Variants in RTN1 observed in about 807,000 individuals in gnomAD.
RTN1 encodes the protein reticulon-1.
A neutral mutation model predicts 65.5 loss-of-function variants in RTN1; 25 were observed. That is an observed-to-expected ratio of 0.38 (90% CI 0.28 to 0.53). The LOEUF (loss-of-function observed/expected upper bound fraction) is 0.53, where lower values mean the gene tolerates loss of function less well. RTN1 is among the 20% of genes least tolerant of loss of function. The pLI is 0.79. For missense variants in RTN1, 983 were observed against 1,025.4 expected, an observed-to-expected ratio of 0.96 and a Z score of 0.57; for synonymous variants, 471 against 447.6, an observed-to-expected ratio of 1.05 and a Z score of -0.66.
chr14:59,624,606 C>A (rs190224975), intron 3 of RTN1, among the ~76,000 whole-genome samples: 2 of 152,130 alleles, frequency 1.3e-5, no homozygotes, highest in East Asian at 1.9e-4. Context: ...GGACTACAGG[C>A]GTGTGCCACC....
At chr14:59,844,957 A>G (rs532153968) in intron 1 of RTN1, among the ~76,000 whole-genome samples, 15 of 152,342 alleles carry the variant, frequency 9.8e-5, no homozygotes, top group Middle Eastern at 3.4e-3. Context: ...TAATGAAATT[A>G]TAAGAATGCA....
At chr14:59,731,396 A>G (rs1006034636) in intron 2 of RTN1, among the ~76,000 whole-genome samples, 1 of 152,140 alleles carries the variant, frequency 6.6e-6, no homozygotes, top group Admixed American at 6.5e-5. Flanking sequence ...GGGTAATAAG[A>G]TGCTCTAAAA....
chr14:59,740,702 G>A (rs2139500344), intron 2 of RTN1, among the ~76,000 whole-genome samples: 1 of 152,266 alleles, frequency 6.6e-6, no homozygotes, highest in African/African-American at 2.4e-5. Context: ...GGGACTCGTA[G>A]CTCCTATAGA....
At chr14:59,648,411 TGAGAAGGGAC>T (rs1272618410) in intron 3 of RTN1, among the ~76,000 whole-genome samples, 2 of 152,032 alleles carry the variant, frequency 1.3e-5, no homozygotes, top group East Asian at 3.9e-4. Flanking sequence ...TCCAACAAAA[TGAGAAGGGAC>T]TCCTCCCCAA....
At chr14:59,688,500 C>T (rs558685398) in intron 3 of RTN1, among the ~76,000 whole-genome samples, 1 of 152,320 alleles carries the variant, frequency 6.6e-6, no homozygotes, top group Non-Finnish European at 1.5e-5. Context: ...CAGGGCTGAG[C>T]AGGGAGCTCA....
At position 59,650,789 on chromosome 14, in the gene RTN1, C is replaced by T. The variant is rs181356278; in HGVS notation, c.1766-43297G>A. Among the ~76,000 whole-genome samples the T allele has an allele frequency of 1.9e-3, 285 of 152,314 alleles. 1 individual carries two copies. Among genetic ancestry groups the T allele is most frequent in the Non-Finnish European group, 2.4e-3 (164 of 68,024 alleles). On this transcript the variant is annotated intron_variant, in intron 3 of 8. Coordinates refer to ENST00000267484, the MANE Select transcript of RTN1 (RefSeq NM_021136.3). ...AACAAATGGAAAAACATTCCATGCTCATGAATAGGAAGACTCAATATCATT... is the reference window on the plus strand; with the variant it reads ...AACAAATGGAAAAACATTCCATGCTTATGAATAGGAAGACTCAATATCATT...
chr14:59,798,648 C>G (rs528669952), intron 1 of RTN1, among the ~76,000 whole-genome samples: 1 of 152,264 alleles, frequency 6.6e-6, no homozygotes, highest in African/African-American at 2.4e-5. Context: ...TCCTGCCTGC[C>G]TCATCTAAGG....
chr14:59,607,712 A>T, intron 3 of RTN1: 1 of 567,886 alleles, frequency 1.8e-6, no homozygotes, highest in Non-Finnish European at 3.2e-6. Context: ...TCACAAATTC[A>T]CATATAAGAA....
rs565837453 is a variant in RTN1 at position 59,761,490 on chromosome 14, C to T, written c.242-15009G>A. Among the ~76,000 whole-genome samples, 14 of 152,286 alleles carry T rather than the reference C, an allele frequency of 9.2e-5. 1 individual carries two copies. The highest frequency in any genetic ancestry group is 2.0e-4 in the Admixed American group (3 of 15,290). On this transcript the variant is annotated intron_variant, in intron 1 of 8. Transcript: ENST00000267484. ...TATGATTGTGAGGCCTCTCCAGCCA[C>T]GTGGAACTGTGAATCAATTAAATCT...
At chr14:59,730,310 C>T (rs555352180) in intron 2 of RTN1, among the ~76,000 whole-genome samples, 6 of 152,296 alleles carry the variant, frequency 3.9e-5, no homozygotes, top group African/African-American at 1.2e-4. Context: ...GAAAAGTGAA[C>T]TGGATAACCA....
chr14:59,763,633 T>C (rs1016790076), intron 1 of RTN1, among the ~76,000 whole-genome samples: 10 of 150,726 alleles, frequency 6.6e-5, no homozygotes, highest in Non-Finnish European at 1.0e-4. Flanking sequence ...CCCAGGTTCA[T>C]GCCATTCTCC....
At chr14:59,858,004 T>C (rs933275203) in intron 1 of RTN1, among the ~76,000 whole-genome samples, 1 of 152,184 alleles carries the variant, frequency 6.6e-6, no homozygotes, top group African/African-American at 2.4e-5. Context: ...TTGGAACCCA[T>C]ACAGTCATGA....
chr14:59,607,142 T>C (rs1461966524), intron 4 of RTN1, 143 bp downstream of exon 4: 1 of 647,774 alleles, frequency 1.5e-6, no homozygotes, highest in Non-Finnish European at 2.7e-6. Flanking sequence ...TGTTAGATAT[T>C]CAAAGACAGG....
chr14:59,648,602 C>G (rs1882953209), intron 3 of RTN1, among the ~76,000 whole-genome samples: 1 of 152,172 alleles, frequency 6.6e-6, no homozygotes, highest in Non-Finnish European at 1.5e-5. Flanking sequence ...ATCAAGAAGG[C>G]TTTATCCCTG....
chr14:59,732,132 C>T (rs1441978370), intron 2 of RTN1, among the ~76,000 whole-genome samples: 1 of 151,988 alleles, frequency 6.6e-6, no homozygotes, highest in Non-Finnish European at 1.5e-5. Context: ...ACTCCAAAAG[C>T]AAAGATATGG....
chr14:59,680,258 A>G (rs1176801082), intron 3 of RTN1, among the ~76,000 whole-genome samples: 2 of 152,210 alleles, frequency 1.3e-5, no homozygotes, highest in African/African-American at 4.8e-5. Context: ...GTTGCTTAAT[A>G]GTACTAAAAA....
rs145739106 is a variant in RTN1, at chr14:59,851,586, G to A, written c.241+18804C>T. On this transcript the variant is annotated intron_variant, in intron 1 of 8. Transcript: ENST00000267484. ...TAAGAATAAACCAATTTGGCCAGGC[G>A]TGGTGGCTCACGCCTGTAATCCCAG... Among the ~76,000 whole-genome samples, 16 of 152,064 alleles carry A rather than the reference G, an allele frequency of 1.1e-4. No individual in the cohort carries two copies. The East Asian group carries it at 1.7e-3, about 17-fold the overall frequency.
chr14:59,745,592 G>T (rs1566708601), intron 2 of RTN1, 116 bp downstream of exon 2: 14 of 795,606 alleles, frequency 1.8e-5, no homozygotes, highest in Admixed American at 2.7e-5. Flanking sequence ...TGAAATTTAA[G>T]GGGTCCAGAT....
chr14:59,615,688 G>A (rs559316836), intron 3 of RTN1, among the ~76,000 whole-genome samples: 12 of 152,096 alleles, frequency 7.9e-5, no homozygotes, highest in African/African-American at 1.4e-4. Context: ...AACAATGCAC[G>A]AATGCAAACA....
Sources: allele counts gnomAD v4.1 joint callset (sites outside exome capture counted in the v4.1 genomes callset), GRCh38; gene constraint gnomAD v4.1.1; transcripts MANE v1.5; gene names NCBI Gene and HGNC (gene_info 2026-07-23, HGNC 2026-07-21).